RIC1: variants seen among roughly 807,000 people sequenced by gnomAD.
RIC1 encodes RIC1 partner of RAB6A GEF complex.
In RIC1, 88 loss-of-function variants were observed where a neutral mutation model predicts 169.0. The ratio of observed to expected loss-of-function variants is 0.52; its 90% CI spans 0.44 to 0.62. The LOEUF (loss-of-function observed/expected upper bound fraction) is 0.62. Ranked by LOEUF, RIC1 falls within the 20% of genes least tolerant of loss-of-function variation. The pLI is 0.00. For missense variants in RIC1, 1,877 were observed against 1,725.5 expected (o/e 1.09, Z -1.56); for synonymous variants, 790 against 601.5 (o/e 1.31, Z -4.59).
At chr9:5,696,673 C>G (rs1028579548) in intron 3 of RIC1, among the ~76,000 whole-genome samples, 3 of 152,082 alleles carry the variant, frequency 2.0e-5, no homozygotes, top group East Asian at 3.9e-4. Context: ...TTTTTAGATT[C>G]TAATCTCATT....
At chr9:5,744,416 TG>T (rs1171422628) in intron 10 of RIC1, among the ~76,000 whole-genome samples, 1 of 152,186 alleles carries the variant, frequency 6.6e-6, no homozygotes, top group Admixed American at 6.5e-5. Context: ...AAGAGAATTA[TG>T]GTCACTGTTG....
At chr9:5,668,175 C>G (rs559061828) in intron 2 of RIC1, among the ~76,000 whole-genome samples, 1 of 152,212 alleles carries the variant, frequency 6.6e-6, no homozygotes, top group South Asian at 2.1e-4. Flanking sequence ...CTCATTATCA[C>G]GAGAACACCG....
rs185637004 is a variant in RIC1, at chr9:5,722,108, G to C, written c.720+1358G>C. 7.3e-5 allele frequency among the ~76,000 whole-genome samples: 11 copies of C among 151,584 alleles called. No individual in the cohort carries two copies. In the East Asian group the frequency reaches 2.1e-3, roughly 29 times the overall value. On this transcript the variant is annotated intron_variant, in intron 6 of 25. Coordinates refer to ENST00000414202, the MANE Select transcript of RIC1 (RefSeq NM_020829.4). ...TCTCCCTGTTGGTCAGGCTGGTCTT[G>C]ACCTACCAACCTCAGGTGATCCACC...
At chr9:5,714,390 G>A (rs917615070) in intron 4 of RIC1, among the ~76,000 whole-genome samples, 3 of 152,168 alleles carry the variant, frequency 2.0e-5, no homozygotes, top group Admixed American at 1.3e-4. Flanking sequence ...ACACTTGGAA[G>A]AAAGTTACAC....
intron 8 of RIC1, among the ~76,000 whole-genome samples, chr9:5,740,005 G>C (rs1824975984): frequency 2.0e-5 from 3 of 152,152 alleles, no homozygotes; most frequent in South Asian, 4.1e-4. Flanking sequence ...TAGGAGATAA[G>C]ACCCTCACTC....
intron 17 of RIC1, among the ~76,000 whole-genome samples, chr9:5,762,158 C>G (rs1256597024): frequency 6.6e-6 from 1 of 152,220 alleles, no homozygotes; most frequent in Non-Finnish European, 1.5e-5. Context: ...AACCCTTACT[C>G]TCCCACACGT....
intron 1 of RIC1, among the ~76,000 whole-genome samples, chr9:5,636,080 G>GT (rs1394689707): frequency 6.6e-6 from 1 of 152,004 alleles, no homozygotes; most frequent in Admixed American, 6.5e-5. Context: ...TTGTTTTTCT[G>GT]TTTATGTGAA....
chr9:5,712,761 TC>T (rs1175513808), intron 3 of RIC1: 1 of 152,212 alleles, frequency 6.6e-6, no homozygotes, highest in African/African-American at 2.4e-5. Flanking sequence ...TAAATGTGAC[TC>T]CTATAAACTA....
At chr9:5,695,818 G>C (rs1250961029) in intron 3 of RIC1, among the ~76,000 whole-genome samples, 4 of 151,962 alleles carry the variant, frequency 2.6e-5, no homozygotes, top group Admixed American at 6.6e-5. Flanking sequence ...TGATCTGCCT[G>C]CCTCGGCCTC....
chr9:5,673,557 T>TATATATATATATATATATATATATATAG (rs1554663254), intron 2 of RIC1, among the ~76,000 whole-genome samples: 1 of 142,640 alleles, frequency 7.0e-6, no homozygotes, highest in African/African-American at 2.7e-5. Flanking sequence ...TATATATATA[T>TATATATATATATATATATATATATATAG]AAATAAATGT....
chr9:5,696,257 A>G (rs569850302), intron 3 of RIC1, among the ~76,000 whole-genome samples: 1 of 146,368 alleles, frequency 6.8e-6, no homozygotes, highest in Non-Finnish European at 1.5e-5. Flanking sequence ...ATTGATAACA[A>G]TTTTTTTTTT....
At chr9:5,653,226 A>G (rs1818905324) in intron 1 of RIC1, among the ~76,000 whole-genome samples, 1 of 152,034 alleles carries the variant, frequency 6.6e-6, no homozygotes, top group Non-Finnish European at 1.5e-5. Flanking sequence ...TTTGTTAAAG[A>G]TCAGTTGGCA....
intron 6 of RIC1, among the ~76,000 whole-genome samples, chr9:5,725,972 A>G (rs1189116700): frequency 3.3e-5 from 5 of 151,988 alleles, no homozygotes; most frequent in African/African-American, 9.7e-5. Context: ...GGTACTTCCA[A>G]CTATGTGGTC....
chr9:5,693,188 C>T (rs1563905620), intron 3 of RIC1, among the ~76,000 whole-genome samples: 2 of 152,134 alleles, frequency 1.3e-5, no homozygotes, highest in South Asian at 2.1e-4. Flanking sequence ...TAATCATCCT[C>T]TTCTCACTTA....
At chr9:5,729,567 T>A (rs1317947501) in intron 6 of RIC1, among the ~76,000 whole-genome samples, 1 of 152,192 alleles carries the variant, frequency 6.6e-6, no homozygotes, top group East Asian at 1.9e-4. Flanking sequence ...TATGTTTTTT[T>A]AAACAAAAAC....
Position 5,629,202 on chromosome 9 carries a change from C to A in RIC1, c.-108C>A. 1 of 1,169,176 alleles carries A rather than the reference C, an allele frequency of 8.6e-7. No individual in the cohort carries two copies. The highest frequency in any genetic ancestry group is 1.1e-6 in the Non-Finnish European group (1 of 917,716). 72.4% of individuals were successfully genotyped at this position (1,169,176 alleles called of 1,614,324 possible). A position where few individuals can be genotyped will look rare whatever the true frequency, so the allele number is the denominator to read the frequency against. The stretch of plus-strand genomic sequence containing the variant: ...GCGGGCAGATGCCCCGAGCTGCCGC[C>A]GCCGCCGCCGCCGACTCGGCCGGTG... On this transcript the variant is annotated 5_prime_UTR_variant, in exon 1 of 26. Coordinates refer to ENST00000414202, the MANE Select transcript of RIC1 (RefSeq NM_020829.4).
intron 1 of RIC1, among the ~76,000 whole-genome samples, chr9:5,650,382 G>C (rs1250822602): frequency 2.6e-5 from 4 of 152,120 alleles, no homozygotes; most frequent in East Asian, 1.9e-4. Flanking sequence ...TGGGCCCTTG[G>C]GGGTATGTGG....
intron 3 of RIC1, among the ~76,000 whole-genome samples, chr9:5,705,555 A>ATATAC (rs1822534310): frequency 6.6e-6 from 1 of 152,106 alleles, no homozygotes; most frequent in African/African-American, 2.4e-5. Flanking sequence ...AATTTTCTAT[A>ATATAC]TATACTATAC....
chr9:5,673,614 A>G (rs1488379819), intron 2 of RIC1, among the ~76,000 whole-genome samples: 1 of 148,402 alleles, frequency 6.7e-6, no homozygotes, highest in African/African-American at 2.5e-5. Flanking sequence ...CAAGAAAAGA[A>G]TAGCAAAGTA....
Sources: allele counts gnomAD v4.1 joint callset (sites outside exome capture counted in the v4.1 genomes callset), GRCh38; gene constraint gnomAD v4.1.1; transcripts MANE v1.5; gene names NCBI Gene and HGNC (gene_info 2026-07-23, HGNC 2026-07-21).